Variants in UBE2W observed in about 807,000 individuals in gnomAD.
The protein encoded by UBE2W is ubiquitin-conjugating enzyme E2 W.
In UBE2W, 18 loss-of-function variants were observed where a neutral mutation model predicts 27.2. The observed-to-expected ratio is 0.66, with a 90% CI of 0.46 to 0.98. The LOEUF is 0.98. Among genes scored for constraint, UBE2W ranks in the 50% least tolerant of loss-of-function variants. The pLI is 0.00. For synonymous variants in UBE2W, 53 were observed against 57.2 expected (o/e 0.93, Z 0.33); for missense variants, 90 against 180.2 (o/e 0.50, Z 2.87).
intron 1 of UBE2W, among the ~76,000 whole-genome samples, chr8:73,877,673 G>C (rs1321744667): frequency 6.6e-6 from 1 of 152,134 alleles, no homozygotes; most frequent in East Asian, 1.9e-4. Context: ...TACCCAAGGG[G>C]ATATTATGAA....
intron 1 of UBE2W, chr8:73,831,926 A>T (rs983070715): frequency 6.6e-6 from 1 of 151,922 alleles, no homozygotes; most frequent in South Asian, 2.1e-4. Flanking sequence ...ACAGCTAGAA[A>T]AGCTTCTAGA....
At chr8:73,838,109 A>G (rs1004827747) in intron 1 of UBE2W, among the ~76,000 whole-genome samples, 1 of 152,190 alleles carries the variant, frequency 6.6e-6, no homozygotes, top group African/African-American at 2.4e-5. Context: ...CAAATTCAGT[A>G]AGAAGGATTC....
intron 4 of UBE2W, among the ~76,000 whole-genome samples, chr8:73,806,417 G>C (rs980857923): frequency 1.1e-4 from 17 of 150,388 alleles, no homozygotes; most frequent in Admixed American, 7.3e-4. Flanking sequence ...ATAAAACAAA[G>C]GGCCAGGCGC....
At chr8:73,799,478 C>G (rs1004143652) in intron 5 of UBE2W, among the ~76,000 whole-genome samples, 14 of 152,200 alleles carry the variant, frequency 9.2e-5, no homozygotes, top group Admixed American at 7.2e-4. Flanking sequence ...TTTAGCATGT[C>G]AGCAGAGTCC....
At chr8:73,797,029 C>T (rs1586442510) in intron 5 of UBE2W, among the ~76,000 whole-genome samples, 1 of 152,064 alleles carries the variant, frequency 6.6e-6, no homozygotes, top group Admixed American at 6.6e-5. Flanking sequence ...GAAGAAAAAT[C>T]TAATTATTAA....
At chr8:73,801,478 A>G (rs1808641244) in intron 5 of UBE2W, among the ~76,000 whole-genome samples, 1 of 152,226 alleles carries the variant, frequency 6.6e-6, no homozygotes, top group African/African-American at 2.4e-5. Context: ...AAGGTGGTTT[A>G]AAAACACTTG....
intron 1 of UBE2W, among the ~76,000 whole-genome samples, chr8:73,839,614 G>A (rs1181296875): frequency 1.3e-5 from 2 of 150,080 alleles, no homozygotes; most frequent in East Asian, 2.0e-4. Context: ...CCGAGATCAC[G>A]CCACTGCACT....
intron 5 of UBE2W, among the ~76,000 whole-genome samples, chr8:73,796,303 C>A (rs1808418315): frequency 6.6e-6 from 1 of 152,026 alleles, no homozygotes; most frequent in Admixed American, 6.6e-5. Context: ...ATATGTCAAA[C>A]TACTGGGGAT....
chr8:73,863,578 T>TA (rs1230294140), intron 1 of UBE2W, among the ~76,000 whole-genome samples: 8,569 of 104,014 alleles, frequency 0.082, 780 homozygotes, highest in African/African-American at 0.24. Flanking sequence ...TAAAGTATAA[T>TA]AAAAAAAAAA....
rs1056940963 is a variant in UBE2W at position 73,788,434 on chromosome 8, G to A, written c.*5668C>T. 2 of 985,180 alleles carry A rather than the reference G, an allele frequency of 2.0e-6. No individual in the cohort carries two copies. Among genetic ancestry groups the A allele is most frequent in the Non-Finnish European group, 2.4e-6 (2 of 829,906 alleles). The allele number at this position is 985,180 out of a possible 1,614,324, so 61.0% of individuals were successfully genotyped here. On this transcript the variant is annotated 3_prime_UTR_variant, in exon 6 of 6. Coordinates refer to ENST00000602593, the MANE Select transcript of UBE2W (RefSeq NM_018299.6). ...CAACTAAAACAAACAAATTCATTTT[G>A]ACCTGAACATGCATTTAGTTTTTGG...
chr8:73,817,699 G>T (rs1248355050), intron 3 of UBE2W, among the ~76,000 whole-genome samples: 2 of 152,000 alleles, frequency 1.3e-5, no homozygotes, highest in Admixed American at 1.3e-4. Flanking sequence ...TGCATTTTTA[G>T]TATGGGTTTC....
Position 73,788,575 on chromosome 8 carries a change from T to TAC in UBE2W, c.*5525_*5526dup. The TAC allele has an allele frequency of 1.0e-6, 1 of 985,464 alleles. No homozygotes were observed. Among genetic ancestry groups the TAC allele is most frequent in the Non-Finnish European group, 1.2e-6 (1 of 829,932 alleles). 61.0% of individuals were successfully genotyped at this position (985,464 alleles called of 1,614,324 possible). On this transcript the variant is annotated 3_prime_UTR_variant, in exon 6 of 6. Transcript: ENST00000602593. The stretch of plus-strand genomic sequence containing the variant: ...CATTTTCATGGTATCTGACACAATT[T>TAC]ACCAAGTTCCTTATGGTAGATTTCA...
rs118160826 is a variant in UBE2W at position 73,811,412 on chromosome 8, C to T, written c.211-783G>A. Among the ~76,000 whole-genome samples, 485 of 152,224 alleles carry T rather than the reference C, an allele frequency of 3.2e-3. 3 individuals carry two copies. The highest frequency in any genetic ancestry group is 9.5e-3 in the South Asian group (46 of 4,820). ...TTTTTCTTAAACTTATTTACCTAAG[C>T]AAATAGGCAGGAGAATAAATTCATA... On this transcript the variant is annotated intron_variant, in intron 3 of 5. Transcript: ENST00000602593.
rs1810051422 is a variant in UBE2W, at chr8:73,831,220, T to C, written c.16-748A>G. 1.2e-5 allele frequency: 5 copies of C among 402,032 alleles called. 1 individual carries two copies. The highest frequency in any genetic ancestry group is 2.3e-5 in the Non-Finnish European group (5 of 217,322). The allele number at this position is 402,032 out of a possible 1,614,324, so 24.9% of individuals were successfully genotyped here. On this transcript the variant is annotated intron_variant, in intron 1 of 5. Coordinates refer to ENST00000602593, the MANE Select transcript of UBE2W (RefSeq NM_018299.6). ...TTCCTGGAGAATCTGCTGGAAGACC[T>C]AGAAGGCATGAAAAGATTAAGGAAA... is the stretch of plus-strand genomic sequence containing the variant.
At chr8:73,798,345 A>C (rs1455453728) in intron 5 of UBE2W, among the ~76,000 whole-genome samples, 2 of 152,206 alleles carry the variant, frequency 1.3e-5, no homozygotes, top group Non-Finnish European at 2.9e-5. Context: ...ATATGTGTTT[A>C]AGGTATATGT....
In UBE2W at chr8:73,788,834, C is replaced by T. The variant is rs1808073492; in HGVS notation, c.*5268G>A. 1.0e-6 allele frequency: 1 copy of T among 985,206 alleles called. No individual in the cohort carries two copies. The highest frequency in any genetic ancestry group is 1.2e-6 in the Non-Finnish European group (1 of 829,932). 61.0% of individuals were successfully genotyped at this position (985,206 alleles called of 1,614,324 possible). ...GGACTAGAACAAGAATTGGATCTCTCCTTTTCCCAGTCAACTCCTCACTCA... is the reference window on the plus strand; with the variant it reads ...GGACTAGAACAAGAATTGGATCTCTTCTTTTCCCAGTCAACTCCTCACTCA... On this transcript the variant is annotated 3_prime_UTR_variant, in exon 6 of 6. Transcript: ENST00000602593.
At chr8:73,830,254 G>C in intron 2 of UBE2W, 127 bp downstream of exon 2, 1 of 663,432 alleles carries the variant, frequency 1.5e-6, no homozygotes, top group Non-Finnish European at 2.6e-6. Flanking sequence ...AATAAGATCT[G>C]TTTACTCTAT....
intron 5 of UBE2W, among the ~76,000 whole-genome samples, chr8:73,796,877 C>G (rs190965599): frequency 7.9e-6 from 1 of 126,970 alleles, no homozygotes; most frequent in Non-Finnish European, 1.6e-5. Flanking sequence ...AACTCACCCC[C>G]CAACCAAAAA....
At chr8:73,825,393 ACT>A (rs1563595566) in intron 2 of UBE2W, 144 bp from the exon 3 acceptor site, 21 of 558,110 alleles carry the variant, frequency 3.8e-5, no homozygotes, top group Non-Finnish European at 5.8e-5. Context: ...CCTCCCAATA[ACT>A]CTCTTACTGT....
Sources: allele counts gnomAD v4.1 joint callset (sites outside exome capture counted in the v4.1 genomes callset), GRCh38; gene constraint gnomAD v4.1.1; transcripts MANE v1.5; gene names NCBI Gene and HGNC (gene_info 2026-07-23, HGNC 2026-07-21).